The following OTOGL variants were observed in gnomAD, a reference collection of about 807,000 sequenced individuals.
The protein encoded by OTOGL is otogelin-like protein.
OTOGL carries 285 observed loss-of-function variants against 318.5 expected under a neutral mutation model. That is an observed-to-expected ratio of 0.89 (90% CI 0.81 to 0.99). The LOEUF (loss-of-function observed/expected upper bound fraction) is 0.99. OTOGL is among the 50% of genes least tolerant of loss of function. The probability of loss-of-function intolerance (pLI) is 0.00; values close to 1 mark genes in which losing one functional copy is unlikely to be tolerated. For synonymous variants in OTOGL, 987 were observed against 936.5 expected, an observed-to-expected ratio of 1.05 and a Z score of -0.99; for missense variants, 2,899 against 2,845.6, an observed-to-expected ratio of 1.02 and a Z score of -0.43.
intron 26 of OTOGL, among the ~76,000 whole-genome samples, chr12:80,281,946 A>G (rs1884264634): frequency 6.6e-6 from 1 of 151,882 alleles, no homozygotes; most frequent in South Asian, 2.1e-4. Flanking sequence ...TAATTGGGTT[A>G]TACATTTTTT....
intron 55 of OTOGL, among the ~76,000 whole-genome samples, chr12:80,370,086 TTTAAATA>T (rs1890783110): frequency 6.6e-6 from 1 of 152,094 alleles, no homozygotes; most frequent in African/African-American, 2.4e-5. Context: ...AACACTGTTA[TTTAAATA>T]TTTCTTTAAA....
At chr12:80,325,798 C>A (rs952901681) in intron 35 of OTOGL, among the ~76,000 whole-genome samples, 17 of 152,246 alleles carry the variant, frequency 1.1e-4, no homozygotes, top group South Asian at 2.1e-4. Flanking sequence ...AAGACAGCAG[C>A]AGGCACAGCT....
chr12:80,367,858 A>G (rs764755037), intron 54 of OTOGL, 119 bp downstream of exon 54: 7 of 677,358 alleles, frequency 1.0e-5, no homozygotes, highest in Admixed American at 3.8e-5. Context: ...TAGTTCTTCA[A>G]TAGTCTACTA....
intron 1 of OTOGL, among the ~76,000 whole-genome samples, chr12:80,112,267 C>T (rs965894767): frequency 6.6e-6 from 1 of 152,190 alleles, no homozygotes; most frequent in African/African-American, 2.4e-5. Flanking sequence ...CTAGCCAGAA[C>T]TTCCAGTACT....
In OTOGL at chr12:80,266,381, C is replaced by T. The variant is rs941205909; in HGVS notation, c.2225-70C>T. On this transcript the variant is annotated intron_variant, in intron 20 of 58. Coordinates refer to ENST00000547103, the MANE Select transcript of OTOGL (RefSeq NM_001378609.3). ...CCAGCTTTCATTTTCTATCATAGAC[C>T]TCTAAGGAGGCATAAAATGTTTCTA... The T allele has an allele frequency of 6.6e-6, 10 of 1,506,168 alleles. No individual in the cohort carries two copies. In the African/African-American group the frequency reaches 1.2e-4, roughly 19 times the overall value. 93.3% of individuals were successfully genotyped at this position (1,506,168 alleles called of 1,614,324 possible).
chr12:80,370,725 T>A, intron 56 of OTOGL, 36 bp downstream of exon 56: 1 of 1,412,236 alleles, frequency 7.1e-7, no homozygotes, highest in Non-Finnish European at 9.6e-7. Context: ...AATTTATTAT[T>A]ATATAATTTA....
Position 80,270,085 on chromosome 12 carries a change from T to C in OTOGL, c.2466-17T>C. 6.4e-7 allele frequency: 1 copy of C among 1,555,540 alleles called. No homozygotes were observed. Among genetic ancestry groups the C allele is most frequent in the Non-Finnish European group, 8.8e-7 (1 of 1,137,506 alleles). ...AACAGATTTGGTTCCATAAATTAACTATTTATTTACTTCTAGCCAGTGTTC... is the reference window on the plus strand; with the variant it reads ...AACAGATTTGGTTCCATAAATTAACCATTTATTTACTTCTAGCCAGTGTTC... On this transcript the variant is annotated splice_polypyrimidine_tract_variant and intron_variant, in intron 22 of 58. Coordinates refer to ENST00000547103, the MANE Select transcript of OTOGL (RefSeq NM_001378609.3).
chr12:80,328,739 G>T lies in OTOGL; in HGVS notation c.4274G>T (p.Arg1425Leu), dbSNP rs374659070. Residue 1425 changes from arginine to leucine, a missense_variant, in exon 36 of 59, where the codon CGA becomes CTA. Arg to Leu is a moderately radical substitution (Grantham distance 102). Transcript: ENST00000547103. ...GTCACCCTCAAGTGTGTTTATCCAC[G>T]AGACTGTAAGTGTGAACGTTGCTTA... is the stretch of plus-strand genomic sequence containing the variant. ...DEVTLKCVYP[R>L]DCIPVIPTEP... 1 of 1,592,626 alleles carries T rather than the reference G, an allele frequency of 6.3e-7. No homozygotes were observed. Among genetic ancestry groups the T allele is most frequent in the African/African-American group, 1.3e-5 (1 of 74,466 alleles).
In OTOGL at chr12:80,328,722, C is replaced by G. The variant is rs1258150069; in HGVS notation, c.4257C>G (p.Leu1419=). ...ATATGATCCTTGATGAGGTCACCCT[C>G]AAGTGTGTTTATCCACGAGACTGTA... ...PKNMILDEVT[L]KCVYPRDCIP... Residue 1419 remains leucine, a synonymous_variant, in exon 36 of 59, where the codon CTC becomes CTG. Transcript: ENST00000547103. 1 of 1,604,052 alleles carries G rather than the reference C, an allele frequency of 6.2e-7. No individual in the cohort carries two copies. The highest frequency in any genetic ancestry group is 1.3e-5 in the African/African-American group (1 of 74,756).
At chr12:80,166,033 C>T (rs1873807427) in intron 1 of OTOGL, among the ~76,000 whole-genome samples, 1 of 152,172 alleles carries the variant, frequency 6.6e-6, no homozygotes, top group Non-Finnish European at 1.5e-5. Context: ...ACAAGATTTG[C>T]TGGATTAGTG....
chr12:80,191,201 G>A (rs1430411049), intron 1 of OTOGL, among the ~76,000 whole-genome samples: 1 of 152,216 alleles, frequency 6.6e-6, no homozygotes, highest in Non-Finnish European at 1.5e-5. Context: ...ATTTTGGGAG[G>A]CTGAGGCGGG....
chr12:80,356,695 T>TAG, intron 48 of OTOGL, 112 bp from the exon 49 acceptor site: 1 of 656,304 alleles, frequency 1.5e-6, no homozygotes, highest in South Asian at 3.4e-5. Context: ...TATATATATA[T>TAG]GATTAAGAAC....
chr12:80,370,383 A>G (rs568409740), intron 55 of OTOGL, among the ~76,000 whole-genome samples, 187 bp from the exon 56 acceptor site: 1 of 149,670 alleles, frequency 6.7e-6, no homozygotes, highest in South Asian at 2.2e-4. Context: ...AGATAAGTAT[A>G]CACTATACAC....
At chr12:80,334,761 G>T (rs1249325679) in intron 38 of OTOGL, among the ~76,000 whole-genome samples, 2 of 152,132 alleles carry the variant, frequency 1.3e-5, no homozygotes, top group African/African-American at 2.4e-5. Context: ...ATTTAGCAAT[G>T]TGAGTTGCTG....
At chr12:80,136,349 C>T (rs941156415) in intron 1 of OTOGL, among the ~76,000 whole-genome samples, 3 of 152,202 alleles carry the variant, frequency 2.0e-5, no homozygotes, top group African/African-American at 7.2e-5. Flanking sequence ...GAGAGTCCAA[C>T]CACCTTTGCT....
At chr12:80,345,032 TATAAC>T (rs1213069566) in intron 44 of OTOGL, among the ~76,000 whole-genome samples, 2 of 90,590 alleles carry the variant, frequency 2.2e-5, no homozygotes, top group South Asian at 3.4e-4. Context: ...TTTTATATAT[TATAAC>T]ATATATTATT....
At chr12:80,256,990 G>T (rs966590695) in intron 17 of OTOGL, among the ~76,000 whole-genome samples, 1 of 151,972 alleles carries the variant, frequency 6.6e-6, no homozygotes, top group Non-Finnish European at 1.5e-5. Flanking sequence ...GCAGAGAGAG[G>T]GTAAAGGAGA....
chr12:80,260,982 C>T (rs1199027525), intron 18 of OTOGL, among the ~76,000 whole-genome samples: 6 of 152,010 alleles, frequency 3.9e-5, no homozygotes, highest in Non-Finnish European at 8.8e-5. Flanking sequence ...CAGTTCTTTA[C>T]AGTTATGGGC....
chr12:80,240,675 C>T (rs186262504), intron 11 of OTOGL, among the ~76,000 whole-genome samples: 119 of 152,096 alleles, frequency 7.8e-4, no homozygotes, highest in African/African-American at 2.8e-3. Flanking sequence ...CCTATAGGCA[C>T]AATTGAAGGA....
Sources: gnomAD v4.1 joint callset for allele counts (sites outside exome capture counted in the v4.1 genomes callset) on GRCh38, gnomAD v4.1.1 for gene constraint, MANE v1.5 for transcripts, NCBI Gene and HGNC (gene_info 2026-07-23, HGNC 2026-07-21) for gene names.